DHRS3: variants seen among roughly 807,000 people sequenced by gnomAD.
DHRS3 encodes the protein dehydrogenase/reductase 3, also known as short-chain dehydrogenase/reductase 3.
A neutral mutation model predicts 27.2 loss-of-function variants in DHRS3; 14 were observed. That is an observed-to-expected ratio of 0.52 (90% confidence interval 0.34 to 0.81). The LOEUF (loss-of-function observed/expected upper bound fraction) is 0.81, where lower values mean the gene tolerates loss of function less well. DHRS3 is among the 30% of genes least tolerant of loss of function. The probability of loss-of-function intolerance (pLI) is 0.01; values close to 1 mark genes in which losing one functional copy is unlikely to be tolerated. For synonymous variants in DHRS3, 165 were observed against 175.9 expected (o/e 0.94, Z 0.49); for missense variants, 322 against 406.2 (o/e 0.79, Z 1.78).
chr1:12,580,849 ATCT>A (rs1043942640), intron 1 of DHRS3, among the ~76,000 whole-genome samples, 183 bp from the exon 2 acceptor site: 4 of 152,120 alleles, frequency 2.6e-5, no homozygotes, highest in African/African-American at 9.7e-5. Flanking sequence ...TTGAGGCAGG[ATCT>A]TCTTCTGTTG....
chr1:12,597,519 C>T (rs967549536), intron 1 of DHRS3, among the ~76,000 whole-genome samples: 5 of 152,240 alleles, frequency 3.3e-5, no homozygotes, highest in Non-Finnish European at 7.3e-5. Context: ...CTTGTCTTTG[C>T]AGCACTTGGT....
chr1:12,577,218 G>A (rs1394940386), intron 4 of DHRS3, among the ~76,000 whole-genome samples: 1 of 152,138 alleles, frequency 6.6e-6, no homozygotes, highest in Non-Finnish European at 1.5e-5. Context: ...TTCATTCATC[G>A]ATGACGTCAT....
At chr1:12,604,514 C>A (rs1330007265) in intron 1 of DHRS3, among the ~76,000 whole-genome samples, 2 of 152,190 alleles carry the variant, frequency 1.3e-5, no homozygotes, top group African/African-American at 4.8e-5. Flanking sequence ...TACATCCCTG[C>A]CCGCATCCTG....
At chr1:12,596,739 G>A (rs904434398) in intron 1 of DHRS3, among the ~76,000 whole-genome samples, 1 of 152,142 alleles carries the variant, frequency 6.6e-6, no homozygotes, top group Non-Finnish European at 1.5e-5. Flanking sequence ...CTGGGGAAGT[G>A]GGGAAAACTG....
rs747638125 is a variant in DHRS3, at chr1:12,617,242, A to G, written c.107T>C (p.Leu36Pro). The G allele has an allele frequency of 6.2e-7, 1 of 1,613,800 alleles. No homozygotes were observed. The highest frequency in any genetic ancestry group is 8.5e-7 in the Non-Finnish European group (1 of 1,179,992). ...GGTGATGAGGACGTTCTCCCGCGAC[A>G]GGTCCCGCAGCTTGGCGGGCAGCAC... ...GLVLPAKLRD[L>P]SRENVLITGG... The change falls in exon 1 of 6, where the codon CTG becomes CCG. Residue 36 changes from leucine to proline, a missense_variant. By Grantham distance (98) the Leu-to-Pro change is moderately conservative. Coordinates refer to ENST00000616661, the MANE Select transcript of DHRS3 (RefSeq NM_004753.7).
chr1:12,572,611 C>A, intron 5 of DHRS3, 117 bp downstream of exon 5: 1 of 1,478,152 alleles, frequency 6.8e-7, no homozygotes. Context: ...ACAGTAAGTA[C>A]AGTACATCAG....
chr1:12,581,671 G>A (rs975772705), intron 1 of DHRS3, among the ~76,000 whole-genome samples: 6 of 152,182 alleles, frequency 3.9e-5, no homozygotes, highest in Admixed American at 6.5e-5. Flanking sequence ...TTGACCTAAC[G>A]GAGGACGACG....
intron 1 of DHRS3, among the ~76,000 whole-genome samples, chr1:12,602,501 T>C (rs1399301014): frequency 2.0e-5 from 3 of 152,122 alleles, no homozygotes; most frequent in Non-Finnish European, 4.4e-5. Flanking sequence ...AGAACCAAGG[T>C]TGAGTCAGGC....
chr1:12,580,257 C>T, intron 2 of DHRS3: 1 of 493,158 alleles, frequency 2.0e-6, no homozygotes, highest in Non-Finnish European at 3.7e-6. Context: ...GCCAATGGGA[C>T]ATTTGCCCCG....
chr1:12,617,487 T>C lies in DHRS3; in HGVS notation c.-139A>G. The C allele has an allele frequency of 2.5e-6, 1 of 396,972 alleles. No individual in the cohort carries two copies. The highest frequency in any genetic ancestry group is 4.1e-6 in the Non-Finnish European group (1 of 246,764). The allele number at this position is 396,972 out of a possible 1,614,324, so 24.6% of individuals were successfully genotyped here. ...CCACCTGGCCACTCTTGAAATCACC[T>C]CTTCCCAAATGCAAAGCACCGGGTG... On this transcript the variant is annotated 5_prime_UTR_variant, in exon 1 of 6. Transcript: ENST00000616661.
At chr1:12,612,009 C>T (rs994226307) in intron 1 of DHRS3, among the ~76,000 whole-genome samples, 1 of 151,984 alleles carries the variant, frequency 6.6e-6, no homozygotes, top group Non-Finnish European at 1.5e-5. Context: ...TGCAGGGGGG[C>T]GTGGTCCCAG....
chr1:12,572,648 C>T, intron 5 of DHRS3, 80 bp downstream of exon 5: 1 of 1,534,908 alleles, frequency 6.5e-7, no homozygotes, highest in South Asian at 1.2e-5. Flanking sequence ...ACTCCTCATG[C>T]TCATGCCCGC....
chr1:12,597,532 C>G (rs1646806939), intron 1 of DHRS3, among the ~76,000 whole-genome samples: 1 of 152,236 alleles, frequency 6.6e-6, no homozygotes, highest in African/African-American at 2.4e-5. Context: ...CACTTGGTCA[C>G]TATCTGAAGT....
Position 12,617,296 on chromosome 1 carries a change from T to C in DHRS3, c.53A>G (p.Tyr18Cys). The change falls in exon 1 of 6, where the codon TAT (tyrosine) becomes TGT (cysteine). Residue 18 changes from tyrosine to cysteine, a missense_variant. Physicochemically the swap from Tyr to Cys is radical, Grantham distance 194. Transcript: ENST00000616661. Reference sequence around the variant, plus strand: ...TCCGACGGCTGCTTTCACCACCAGATAGATCATCTGTAGAGGGAACATCAC... The same window carrying C: ...TCCGACGGCTGCTTTCACCACCAGACAGATCATCTGTAGAGGGAACATCAC... ...ALVMFPLQMI[Y>C]LVVKAAVGLV... The C allele has an allele frequency of 1.2e-6, 2 of 1,613,638 alleles. No individual in the cohort carries two copies. Among genetic ancestry groups the C allele is most frequent in the Non-Finnish European group, 1.7e-6 (2 of 1,179,910 alleles).
At chr1:12,577,070 G>A (rs1646595181) in intron 4 of DHRS3, among the ~76,000 whole-genome samples, 1 of 151,844 alleles carries the variant, frequency 6.6e-6, no homozygotes, top group Admixed American at 6.6e-5. Context: ...ACACTAAATT[G>A]TCTCACTGAA....
At chr1:12,590,146 G>A (rs893360685) in intron 1 of DHRS3, among the ~76,000 whole-genome samples, 2 of 152,064 alleles carry the variant, frequency 1.3e-5, no homozygotes, top group Non-Finnish European at 2.9e-5. Context: ...GGATTTCTTA[G>A]GGAGGAGAGG....
chr1:12,611,130 C>G (rs1646906661), intron 1 of DHRS3, among the ~76,000 whole-genome samples: 1 of 152,158 alleles, frequency 6.6e-6, no homozygotes, highest in South Asian at 2.1e-4. Context: ...TGCAAAGATA[C>G]AGAGATCAGA....
At position 12,569,227 on chromosome 1, in the gene DHRS3, T is replaced by TCACA. The variant is rs1557509296; in HGVS notation, c.825-804_825-803insTGTG. Among the ~76,000 whole-genome samples, 182 of 136,020 alleles carry TCACA rather than the reference T, an allele frequency of 1.3e-3. 4 individuals carry two copies. In the East Asian group the frequency reaches 0.03, roughly 23 times the overall value. The allele number at this position is 136,020 out of a possible 152,430, so 89.2% of individuals were successfully genotyped here. On this transcript the variant is annotated intron_variant, in intron 5 of 5. Coordinates refer to ENST00000616661, the MANE Select transcript of DHRS3 (RefSeq NM_004753.7). The stretch of plus-strand genomic sequence containing the variant: ...AGTAAAACTCTGTCCCCTCTCTCTC[T>TCACA]CTCTCACACACACACACACACACAC...
chr1:12,582,100 C>T (rs533757398), intron 1 of DHRS3, among the ~76,000 whole-genome samples: 14 of 152,258 alleles, frequency 9.2e-5, no homozygotes, highest in Non-Finnish European at 1.8e-4. Context: ...ATGGCGGCTC[C>T]AATGACATCA....
Sources: allele counts gnomAD v4.1 joint callset (sites outside exome capture counted in the v4.1 genomes callset), GRCh38; gene constraint gnomAD v4.1.1; transcripts MANE v1.5; gene names NCBI Gene and HGNC (gene_info 2026-07-23, HGNC 2026-07-21).